HMGB3: variants seen among roughly 807,000 people sequenced by gnomAD.
HMGB3 encodes the protein high mobility group protein B3.
In HMGB3, 1 loss-of-function variant was observed where a neutral mutation model predicts 12.9. That is an observed-to-expected ratio of 0.08 (90% CI 0.03 to 0.37). The LOEUF is 0.37. HMGB3 is among the 10% of genes least tolerant of loss of function. The probability of loss-of-function intolerance (pLI) is 0.99; values close to 1 mark genes in which losing one functional copy is unlikely to be tolerated. For synonymous variants in HMGB3, 61 were observed against 53.9 expected, an observed-to-expected ratio of 1.13 and a Z score of -0.57; for missense variants, 74 against 153.3, an observed-to-expected ratio of 0.48 and a Z score of 2.73.
chrX:150,988,628 C>T lies in HMGB3; in HGVS notation c.*714C>T, dbSNP rs2048080519. The T allele has an allele frequency of 1.8e-5, 2 of 111,857 alleles. No individual in the cohort carries two copies. Among genetic ancestry groups the T allele is most frequent in the Non-Finnish European group, 3.8e-5 (2 of 53,156 alleles). The allele number at this position is 111,857 out of a possible 1,213,427, so 9.2% of individuals were successfully genotyped here. ...AAACTATAGAACTCTTCATTGTCAGCAAAGCAAAGAGTCACTGCATCAATG... is the reference window on the plus strand; with the variant it reads ...AAACTATAGAACTCTTCATTGTCAGTAAAGCAAAGAGTCACTGCATCAATG... On this transcript the variant is annotated 3_prime_UTR_variant, in exon 5 of 5. Coordinates refer to ENST00000325307, the MANE Select transcript of HMGB3 (RefSeq NM_005342.4).
chrX:150,983,381 G>A lies in HMGB3; in HGVS notation c.-6+5G>A. On this transcript the variant is annotated splice_donor_5th_base_variant and intron_variant, in intron 1 of 4. Coordinates refer to ENST00000325307, the MANE Select transcript of HMGB3 (RefSeq NM_005342.4). ...CCAGACTAGCGAACAATACAGGTAC[G>A]TCTCGCACCGCCCGCTCCCGCCGCC... 4 of 758,867 alleles carry A rather than the reference G, an allele frequency of 5.3e-6. No individual in the cohort carries two copies. The highest frequency in any genetic ancestry group is 6.2e-6 in the Non-Finnish European group (4 of 645,676). 62.5% of individuals were successfully genotyped at this position (758,867 alleles called of 1,213,427 possible).
At chrX:150,984,964 C>T (rs1207660863) in intron 1 of HMGB3, among the ~76,000 whole-genome samples, 1 of 111,858 alleles carries the variant, frequency 8.9e-6, no homozygotes, top group Non-Finnish European at 1.9e-5. Flanking sequence ...TATACACCCT[C>T]CCCCTTTAGA....
rs782021512 is a variant in HMGB3 at position 150,987,884 on chromosome X, AGAGGAG to A, written c.591_596del (p.Glu197_Glu198del). ...AAGATGAAGAAGAGGAGGAGGAAGA[AGAGGAG>A]GAGGAGGAGGAGGAGGATGAATAAA... On this transcript the variant is annotated inframe_deletion, in exon 5 of 5. Transcript: ENST00000325307. The A allele has an allele frequency of 1.8e-4, 209 of 1,176,973 alleles. No individual in the cohort carries two copies. Among genetic ancestry groups the A allele is most frequent in the Admixed American group, 4.6e-4 (21 of 45,176 alleles).
chrX:150,982,501 A>C (rs1314759459), upstream of HMGB3, among the ~76,000 whole-genome samples: 1 of 112,425 alleles, frequency 8.9e-6, no homozygotes, highest in Non-Finnish European at 1.9e-5. Flanking sequence ...GTGTGTCAGG[A>C]GAGCAGAGGG....
At chrX:150,986,264 C>A in intron 3 of HMGB3, 74 bp downstream of exon 3, 1 of 830,347 alleles carries the variant, frequency 1.2e-6, no homozygotes, top group Admixed American at 3.9e-5. Flanking sequence ...TTTTGGTCGT[C>A]CTGTATTTCA....
chrX:150,985,808 C>T, intron 2 of HMGB3, 59 bp downstream of exon 2: 1 of 1,027,843 alleles, frequency 9.7e-7, no homozygotes, highest in South Asian at 2.2e-5. Flanking sequence ...TTTGGGGTTA[C>T]TTACCTTCAG....
upstream of HMGB3, among the ~76,000 whole-genome samples, chrX:150,982,796 G>T (rs1328571931): frequency 8.8e-6 from 1 of 113,136 alleles, no homozygotes; most frequent in Non-Finnish European, 1.9e-5. Context: ...GCTGCCCTCC[G>T]CCAGGCATCG....
Position 150,989,563 on chromosome X carries a change from C to T in HMGB3, c.*1649C>T, listed in dbSNP as rs1463940621. On this transcript the variant is annotated 3_prime_UTR_variant, in exon 5 of 5. Coordinates refer to ENST00000325307, the MANE Select transcript of HMGB3 (RefSeq NM_005342.4). ...ATTAGTGGGTAGTGTAACATTTTAT[C>T]CAGGTTGGGGTGAGGGGAGATGGCC... is the stretch of plus-strand genomic sequence containing the variant. 5 of 111,177 alleles carry T rather than the reference C, an allele frequency of 4.5e-5. No homozygotes were observed. The highest frequency in any genetic ancestry group is 1.3e-4 in the African/African-American group (4 of 30,524). 9.2% of individuals were successfully genotyped at this position (111,177 alleles called of 1,213,427 possible). A position where few individuals can be genotyped will look rare whatever the true frequency, so the allele number is the denominator to read the frequency against.
intron 1 of HMGB3, among the ~76,000 whole-genome samples, chrX:150,985,003 A>G (rs148876486): frequency 0.012 from 1,307 of 111,905 alleles, 18 homozygotes; most frequent in African/African-American, 0.04. Context: ...TTGAACTAAT[A>G]GTACGGGGGT....
At chrX:150,984,003 G>C (rs1345932181) in intron 1 of HMGB3, among the ~76,000 whole-genome samples, 1 of 102,738 alleles carries the variant, frequency 9.7e-6, no homozygotes, top group Non-Finnish European at 2.0e-5. Flanking sequence ...GGTGGCCCGG[G>C]GGGGCGCGGG....
In HMGB3 at chrX:150,987,878, GGAA is replaced by G. The variant is rs782325679; in HGVS notation, c.573_575del (p.Glu198del). The G allele has an allele frequency of 3.7e-5, 44 of 1,185,849 alleles. No homozygotes were observed. The African/African-American group carries it at 6.2e-4, about 17-fold the overall frequency. On this transcript the variant is annotated inframe_deletion, in exon 5 of 5. Coordinates refer to ENST00000325307, the MANE Select transcript of HMGB3 (RefSeq NM_005342.4). ...AAGAGGAAGATGAAGAAGAGGAGGAGGAAGAAGAGGAGGAGGAGGAGGAGGAGG... is the reference window on the plus strand; with the variant it reads ...AAGAGGAAGATGAAGAAGAGGAGGAGGAAGAGGAGGAGGAGGAGGAGGAGG...
chrX:150,985,201 A>G (rs1169705261), intron 1 of HMGB3, among the ~76,000 whole-genome samples: 6 of 111,755 alleles, frequency 5.4e-5, no homozygotes, highest in African/African-American at 2.0e-4. Context: ...GATAGTCTTA[A>G]GTCATAGATT....
At chrX:150,984,557 C>G (rs1447753146) in intron 1 of HMGB3, 1 of 735,009 alleles carries the variant, frequency 1.4e-6, no homozygotes, top group Non-Finnish European at 1.6e-6. Flanking sequence ...CCCGCGCGTC[C>G]CCCGGGGATG....
chrX:150,987,934 C>T lies in HMGB3; in HGVS notation c.*20C>T. ...GAATAAAGAAACTGTTTATCTGTCT[C>T]CTTGTGAATACTTAGAGTAGGGGAG... On this transcript the variant is annotated 3_prime_UTR_variant, in exon 5 of 5. Transcript: ENST00000325307. The T allele has an allele frequency of 8.5e-7, 1 of 1,183,013 alleles. No homozygotes were observed. The highest frequency in any genetic ancestry group is 1.1e-6 in the Non-Finnish European group (1 of 886,037).
At chrX:150,980,679 G>C, upstream of HMGB3, 1 of 655,307 alleles carries the variant, frequency 1.5e-6, no homozygotes. Flanking sequence ...AATGGGCAGG[G>C]TTGGGGCAGT....
In HMGB3 at chrX:150,986,092, A is replaced by G. The variant is rs141917987; in HGVS notation, c.192A>G (p.Ala64=). The G allele has an allele frequency of 9.2e-6, 11 of 1,201,992 alleles. No individual in the cohort carries two copies. The African/African-American group carries it at 1.8e-4, about 19-fold the overall frequency. The part of the protein sequence containing the change: ...GKEKSKFDEM[A]KADKVRYDRE... The stretch of plus-strand genomic sequence containing the variant: ...AGAAATCTAAATTTGATGAAATGGC[A>G]AAGGCAGATAAAGTGCGCTATGATC... The change falls in exon 3 of 5, where the codon GCA becomes GCG. Residue 64 remains alanine (A), a synonymous_variant. Coordinates refer to ENST00000325307, the MANE Select transcript of HMGB3 (RefSeq NM_005342.4).
At position 150,987,146 on chromosome X, in the gene HMGB3, C is replaced by T. The variant is rs1205593845; in HGVS notation, c.309C>T (p.Phe103=). 8.3e-7 allele frequency: 1 copy of T among 1,206,678 alleles called. No individual in the cohort carries two copies. The highest frequency in any genetic ancestry group is 3.0e-5 in the East Asian group (1 of 33,701). The change falls in exon 4 of 5, where the codon TTC becomes TTT. Residue 103 remains phenylalanine, a synonymous_variant. Transcript: ENST00000325307. ...TTCCAAGGTCTGGATTCTTCCTGTT[C>T]TGTTCAGAATTCCGCCCCAAGATCA... The part of the protein sequence containing the change: ...PKRPPSGFFL[F]CSEFRPKIKS...
chrX:150,983,747 C>G (rs1290844639), intron 1 of HMGB3, among the ~76,000 whole-genome samples: 1 of 108,052 alleles, frequency 9.3e-6, no homozygotes, highest in Admixed American at 9.6e-5. Context: ...GGCGGCTGGG[C>G]GAGCAGAGGG....
rs1252963754 is a variant in HMGB3 at position 150,988,773 on chromosome X, T to A, written c.*859T>A. On this transcript the variant is annotated 3_prime_UTR_variant, in exon 5 of 5. Transcript: ENST00000325307. Reference sequence around the variant, plus strand: ...AAACAGTATTACATTTTTAAAACTCTTCTCTATTATAACAGTCAATTTCTG... The same window carrying A: ...AAACAGTATTACATTTTTAAAACTCATCTCTATTATAACAGTCAATTTCTG... The A allele has an allele frequency of 8.9e-6, 1 of 112,284 alleles. No homozygotes were observed. Among genetic ancestry groups the A allele is most frequent in the Non-Finnish European group, 1.9e-5 (1 of 53,272 alleles). The allele number at this position is 112,284 out of a possible 1,213,427, so 9.3% of individuals were successfully genotyped here.
Sources: gnomAD v4.1 joint callset for allele counts (sites outside exome capture counted in the v4.1 genomes callset) on GRCh38, gnomAD v4.1.1 for gene constraint, MANE v1.5 for transcripts, NCBI Gene and HGNC (gene_info 2026-07-23, HGNC 2026-07-21) for gene names.